The following F5 variants were observed in gnomAD, a reference collection of about 807,000 sequenced individuals.
F5 encodes coagulation factor V, also known as activated protein c cofactor.
Under a neutral mutation model 216.4 loss-of-function variants are expected in F5, and 138 were observed. That is an observed-to-expected ratio of 0.64 (90% confidence interval 0.56 to 0.73). The LOEUF (loss-of-function observed/expected upper bound fraction) is 0.73, where lower values mean the gene tolerates loss of function less well. Among genes scored for constraint, F5 ranks in the 30% least tolerant of loss-of-function variants. The pLI, the probability that F5 is intolerant of heterozygous loss-of-function variation, is 0.00. For missense variants in F5, 2,403 were observed against 2,674.0 expected (o/e 0.90, Z 2.24); for synonymous variants, 916 against 930.7 (o/e 0.98, Z 0.29).
At chr1:169,560,513 C>T (rs1181345768) in intron 4 of F5, 41 bp downstream of exon 4, 4 of 1,598,742 alleles carry the variant, frequency 2.5e-6, no homozygotes, top group Admixed American at 3.3e-5. Flanking sequence ...CTGACCATTC[C>T]AACATTTAGT....
At position 169,556,644 on chromosome 1, in the gene F5, G is replaced by A. The variant is rs767300859; in HGVS notation, c.952+2C>T. ...AGCAAGACTGTCAGGAGAGTTTCTTGCCTTGCAAATGTTTTGGGGTGAGAG... is the reference window on the plus strand; with the variant it reads ...AGCAAGACTGTCAGGAGAGTTTCTTACCTTGCAAATGTTTTGGGGTGAGAG... On this transcript the variant is annotated splice_donor_variant, in intron 6 of 24. Transcript: ENST00000367797. LOFTEE classifies it low-confidence loss of function (GC_TO_GT_DONOR). 2 of 1,613,658 alleles carry A rather than the reference G, an allele frequency of 1.2e-6. No homozygotes were observed. The highest frequency in any genetic ancestry group is 2.2e-5 in the East Asian group (1 of 44,870).
At chr1:169,546,304 C>G in intron 11 of F5, 138 bp downstream of exon 11, 1 of 1,051,630 alleles carries the variant, frequency 9.5e-7, no homozygotes, top group East Asian at 2.6e-5. Flanking sequence ...ATTTCATCAC[C>G]AAGTCTTTGG....
rs1262493507 is a variant in F5 at position 169,541,387 on chromosome 1, G to A, written c.3703C>T (p.Leu1235Phe). ...ALGQMPISPD[L>F]SHTTLSPDLS... Reference sequence around the variant, plus strand: ...TCTGGAGAAAGGGTTGTATGGCTGAGGTCTGGAGAAATGGGCATCTGACCG... The same window carrying A: ...TCTGGAGAAAGGGTTGTATGGCTGAAGTCTGGAGAAATGGGCATCTGACCG... The change falls in exon 13 of 25, where the codon CTC (leucine) becomes TTC (phenylalanine). Residue 1235 changes from leucine (L) to phenylalanine (F), a missense_variant. By Grantham distance (22) the Leu-to-Phe change is conservative. Around this residue, in one of 4 missense-constraint regions of F5, gnomAD observed 1,425 missense variants for 1,554.8 expected, o/e 0.92. Transcript: ENST00000367797. 2.5e-6 allele frequency: 4 copies of A among 1,612,172 alleles called. No homozygotes were observed. The African/African-American group carries it at 4.0e-5, about 16-fold the overall frequency.
chr1:169,554,669 C>T (rs1660268800), intron 7 of F5, among the ~76,000 whole-genome samples: 1 of 152,186 alleles, frequency 6.6e-6, no homozygotes, highest in Admixed American at 6.5e-5. Context: ...CTTCCACGAA[C>T]AATATATGAT....
In F5 at chr1:169,512,873, A is replaced by C. The variant is rs578023501; in HGVS notation, c.*1440T>G. On this transcript the variant is annotated 3_prime_UTR_variant, in exon 25 of 25. Transcript: ENST00000367797. ...TGGTCCTTATGCAGTTCCCTTCTAC[A>C]CTGAATCGAGACTGGCCTGTAATTT... Among the ~76,000 whole-genome samples the C allele has an allele frequency of 6.6e-6, 1 of 152,150 alleles. No individual in the cohort carries two copies. The highest frequency in any genetic ancestry group is 6.6e-5 in the Admixed American group (1 of 15,252).
At position 169,552,619 on chromosome 1, in the gene F5, TG is replaced by T; in HGVS notation, c.1233del (p.Asn412IlefsTer2). ...CCCAAAATCCCATCTTCTTTCATAT[TG>T]GGATTCACTGTATGTTTGGTGAAGG... Reference protein sequence around the residue: ...DESFTKHTVNPNMKEDGILGP... With the variant: ...DESFTKHTVNXNMKEDGILGP... On this transcript the variant is annotated frameshift_variant, in exon 8 of 25. Transcript: ENST00000367797. LOFTEE classifies it high-confidence loss of function. 3 of 1,613,710 alleles carry T rather than the reference TG, an allele frequency of 1.9e-6. No individual in the cohort carries two copies. The highest frequency in any genetic ancestry group is 2.5e-6 in the Non-Finnish European group (3 of 1,179,740).
At chr1:169,530,747 G>T (rs1250437860) in intron 15 of F5, 39 bp downstream of exon 15, 2 of 1,555,874 alleles carry the variant, frequency 1.3e-6, no homozygotes, top group Non-Finnish European at 1.8e-6. Flanking sequence ...AGATTACGAG[G>T]TTAGGGGAAT....
At position 169,520,789 on chromosome 1, in the gene F5, G is replaced by A. The variant is rs1181097371; in HGVS notation, c.6049-125C>T. On this transcript the variant is annotated intron_variant, in intron 21 of 24. Coordinates refer to ENST00000367797, the MANE Select transcript of F5 (RefSeq NM_000130.5). Reference sequence around the variant, plus strand: ...ATGGGGTCCAAACTAAATCAATTTGGTTATAAAATATACTTGGGGATAATT... The same window carrying A: ...ATGGGGTCCAAACTAAATCAATTTGATTATAAAATATACTTGGGGATAATT... The A allele has an allele frequency of 3.7e-6, 3 of 814,916 alleles. No homozygotes were observed. In the African/African-American group the frequency reaches 5.2e-5, roughly 14 times the overall value. The allele number at this position is 814,916 out of a possible 1,614,324, so 50.5% of individuals were successfully genotyped here.
chr1:169,559,376 G>T, intron 4 of F5, 80 bp from the exon 5 acceptor site: 1 of 1,404,180 alleles, frequency 7.1e-7, no homozygotes, highest in Non-Finnish European at 1.0e-6. Context: ...AAAGAGTTTA[G>T]GGCAAGCAAT....
intron 10 of F5, among the ~76,000 whole-genome samples, chr1:169,549,442 C>A (rs1399312884): frequency 6.6e-6 from 1 of 152,042 alleles, no homozygotes; most frequent in African/African-American, 2.4e-5. Context: ...TCTCACTGAA[C>A]CCCCAAACAG....
At chr1:169,544,123 A>C (rs1432100241) in intron 12 of F5, among the ~76,000 whole-genome samples, 173 bp downstream of exon 12, 1 of 152,154 alleles carries the variant, frequency 6.6e-6, no homozygotes, top group East Asian at 1.9e-4. Flanking sequence ...AACTGGATCC[A>C]TTTAAGTCAT....
intron 3 of F5, among the ~76,000 whole-genome samples, chr1:169,568,698 G>A (rs745311432): frequency 2.6e-5 from 4 of 152,068 alleles, no homozygotes; most frequent in Non-Finnish European, 5.9e-5. Context: ...TTCATTTCCT[G>A]CTCAGTCGAT....
At chr1:169,525,221 G>A (rs1659415508) in intron 18 of F5, among the ~76,000 whole-genome samples, 1 of 152,130 alleles carries the variant, frequency 6.6e-6, no homozygotes, top group Admixed American at 6.6e-5. Context: ...CCATGGCCAG[G>A]TGCAGTGGCT....
intron 23 of F5, among the ~76,000 whole-genome samples, chr1:169,516,890 G>T (rs2213865): frequency 1.3e-5 from 2 of 151,988 alleles, no homozygotes; most frequent in Admixed American, 6.6e-5. Context: ...TATCTTTGAG[G>T]CCCTTGTTAT....
chr1:169,547,622 A>T (rs1660044186), intron 10 of F5, among the ~76,000 whole-genome samples: 1 of 152,228 alleles, frequency 6.6e-6, no homozygotes, highest in Non-Finnish European at 1.5e-5. Context: ...GAGAAATGCA[A>T]ATCAAAACCA....
chr1:169,570,600 A>G (rs1021169043), intron 3 of F5, among the ~76,000 whole-genome samples: 7 of 152,072 alleles, frequency 4.6e-5, no homozygotes, highest in Admixed American at 3.3e-4. Flanking sequence ...TAATGCAAGT[A>G]CTCCTAAGGA....
chr1:169,514,810 T>C (rs1659121732), intron 24 of F5, among the ~76,000 whole-genome samples: 1 of 152,136 alleles, frequency 6.6e-6, no homozygotes, highest in African/African-American at 2.4e-5. Flanking sequence ...CTGACTTAAA[T>C]TAGTGAAAAA....
intron 17 of F5, 70 bp from the exon 18 acceptor site, chr1:169,526,087 A>AG (rs1272983542): frequency 2.8e-6 from 3 of 1,065,064 alleles, no homozygotes; most frequent in Non-Finnish European, 4.3e-6. Context: ...TAGTTCTCTA[A>AG]GAATCCTAAA....
chr1:169,562,844 TA>T (rs774704461), intron 3 of F5, among the ~76,000 whole-genome samples: 6 of 152,052 alleles, frequency 3.9e-5, no homozygotes, highest in South Asian at 4.1e-4. Context: ...AACATTTAGA[TA>T]ATCAATTGCC....
Sources: allele counts gnomAD v4.1 joint callset (sites outside exome capture counted in the v4.1 genomes callset), GRCh38; gene constraint gnomAD v4.1.1; regional missense constraint gnomAD v4.1.1; transcripts MANE v1.5; gene names NCBI Gene and HGNC (gene_info 2026-07-23, HGNC 2026-07-21).